Variants in CALN1 observed in about 807,000 individuals in gnomAD.
CALN1 encodes calneuron 1, also known as calcium-binding protein 8.
A neutral mutation model predicts 30.6 loss-of-function variants in CALN1; 17 were observed. That is an observed-to-expected ratio of 0.56 (90% CI 0.38 to 0.83). CALN1 has a LOEUF of 0.83. Ranked by LOEUF, CALN1 falls within the 40% of genes least tolerant of loss-of-function variation. CALN1 has a pLI of 0.00. For missense variants in CALN1, 291 were observed against 354.9 expected, an observed-to-expected ratio of 0.82 and a Z score of 1.45; for synonymous variants, 156 against 131.4, an observed-to-expected ratio of 1.19 and a Z score of -1.28.
chr7:71,942,844 C>G (rs990310110), intron 5 of CALN1, among the ~76,000 whole-genome samples: 1 of 152,146 alleles, frequency 6.6e-6, no homozygotes, highest in East Asian at 1.9e-4. Context: ...CCATTCTATT[C>G]AAAGTCACCC....
At chr7:71,875,187 A>T (rs1026752416) in intron 5 of CALN1, among the ~76,000 whole-genome samples, 1 of 127,832 alleles carries the variant, frequency 7.8e-6, no homozygotes, top group Non-Finnish European at 1.7e-5. Context: ...AAAAAAAAAA[A>T]GAATCAGTAA....
At chr7:72,262,477 T>C (rs1024287253) in intron 3 of CALN1, among the ~76,000 whole-genome samples, 5 of 152,162 alleles carry the variant, frequency 3.3e-5, no homozygotes, top group Non-Finnish European at 7.4e-5. Flanking sequence ...ACTACTCAAA[T>C]AGGTAGTTCT....
At chr7:71,828,892 G>A (rs1584315500) in intron 5 of CALN1, among the ~76,000 whole-genome samples, 1 of 151,958 alleles carries the variant, frequency 6.6e-6, no homozygotes, top group Non-Finnish European at 1.5e-5. Context: ...GGGATTACAG[G>A]CACACACCAC....
At chr7:71,882,850 TTGTGTGTGTGTGTG>T (rs34870061) in intron 5 of CALN1, among the ~76,000 whole-genome samples, 236 of 131,022 alleles carry the variant, frequency 1.8e-3, no homozygotes, top group South Asian at 7.3e-3. Context: ...CCCATCTAAT[TTGTGTGTGTGTGTG>T]TGTGTGTGTG....
chr7:72,006,644 G>C (rs1161222736), intron 5 of CALN1, among the ~76,000 whole-genome samples: 2 of 151,548 alleles, frequency 1.3e-5, no homozygotes, highest in East Asian at 3.9e-4. Flanking sequence ...ATGAGATGAG[G>C]TTAGTATTAA....
At chr7:72,391,665 A>G (rs540394250) in intron 2 of CALN1, among the ~76,000 whole-genome samples, 3 of 152,252 alleles carry the variant, frequency 2.0e-5, no homozygotes, top group Non-Finnish European at 4.4e-5. Flanking sequence ...AGGTCTCAAA[A>G]GATCTGATGG....
At chr7:72,440,597 C>T (rs1808314618) in intron 1 of CALN1, among the ~76,000 whole-genome samples, 1 of 152,142 alleles carries the variant, frequency 6.6e-6, no homozygotes, top group South Asian at 2.1e-4. Flanking sequence ...AAGGCTGAGG[C>T]AGGCGGATCA....
intron 2 of CALN1, among the ~76,000 whole-genome samples, chr7:72,386,529 G>A (rs1052115081): frequency 6.6e-6 from 1 of 152,230 alleles, no homozygotes; most frequent in Non-Finnish European, 1.5e-5. Context: ...TGGATGGTAG[G>A]AGCCAGATTG....
intron 5 of CALN1, among the ~76,000 whole-genome samples, chr7:71,965,696 A>G (rs1797497657): frequency 6.6e-6 from 1 of 151,988 alleles, no homozygotes; most frequent in South Asian, 2.1e-4. Flanking sequence ...TATATGCACA[A>G]CCAAAAGATA....
At chr7:72,140,456 T>A (rs1294601155) in intron 3 of CALN1, among the ~76,000 whole-genome samples, 1 of 152,054 alleles carries the variant, frequency 6.6e-6, no homozygotes, top group Non-Finnish European at 1.5e-5. Context: ...CCTGTGGACC[T>A]GCCCAGACAA....
chr7:72,133,707 A>C (rs1809317772), intron 3 of CALN1, among the ~76,000 whole-genome samples: 1 of 152,190 alleles, frequency 6.6e-6, no homozygotes, highest in African/African-American at 2.4e-5. Flanking sequence ...TCAACAATCA[A>C]AGTCAACATG....
chr7:71,975,788 C>T, intron 5 of CALN1, among the ~76,000 whole-genome samples: 1 of 151,238 alleles, frequency 6.6e-6, no homozygotes, highest in East Asian at 2.0e-4. Flanking sequence ...ACCATGAAGA[C>T]CCATGCCCCT....
chr7:71,955,744 C>T (rs376438940), intron 5 of CALN1, among the ~76,000 whole-genome samples: 25 of 152,012 alleles, frequency 1.6e-4, no homozygotes, highest in Non-Finnish European at 3.1e-4. Context: ...TCAGGAGATC[C>T]GTCCTGGAAG....
intron 2 of CALN1, among the ~76,000 whole-genome samples, chr7:72,291,386 C>T: frequency 6.6e-6 from 1 of 152,182 alleles, no homozygotes; most frequent in East Asian, 1.9e-4. Context: ...ACCCCAGCAG[C>T]CTTTGCAACA....
At chr7:72,049,259 TGAGA>T (rs1285591578) in intron 4 of CALN1, among the ~76,000 whole-genome samples, 1 of 151,938 alleles carries the variant, frequency 6.6e-6, no homozygotes, top group African/African-American at 2.4e-5. Context: ...GGTAAAATGA[TGAGA>T]GAAAGATAAT....
chr7:72,281,450 G>A (rs574774911), intron 2 of CALN1, among the ~76,000 whole-genome samples: 12 of 152,294 alleles, frequency 7.9e-5, no homozygotes, highest in African/African-American at 2.9e-4. Flanking sequence ...CTCAGTACCA[G>A]TCCCACACAC....
At chr7:72,135,331 C>G (rs1163445442) in intron 3 of CALN1, among the ~76,000 whole-genome samples, 1 of 152,190 alleles carries the variant, frequency 6.6e-6, no homozygotes, top group Admixed American at 6.5e-5. Flanking sequence ...AGAGGAATCA[C>G]TACGTATGGC....
At chr7:72,302,408 G>A (rs184073125) in intron 2 of CALN1, among the ~76,000 whole-genome samples, 1 of 152,296 alleles carries the variant, frequency 6.6e-6, no homozygotes, top group African/African-American at 2.4e-5. Flanking sequence ...TCAGACACGA[G>A]ATAACAGTGG....
At chr7:71,883,128 T>TAGAG (rs1792685249) in intron 5 of CALN1, among the ~76,000 whole-genome samples, 1 of 152,064 alleles carries the variant, frequency 6.6e-6, no homozygotes, top group Admixed American at 6.6e-5. Flanking sequence ...TATCTATAGC[T>TAGAG]CTATATCTAT....
Sources: allele counts gnomAD v4.1 joint callset (sites outside exome capture counted in the v4.1 genomes callset), GRCh38; gene constraint gnomAD v4.1.1; transcripts MANE v1.5; gene names NCBI Gene and HGNC (gene_info 2026-07-23, HGNC 2026-07-21).